Variants in SMAP1 observed in about 807,000 individuals in gnomAD.
SMAP1 encodes small ArfGAP 1.
A neutral mutation model predicts 58.5 loss-of-function variants in SMAP1; 24 were observed. The ratio of observed to expected loss-of-function variants is 0.41; its 90% CI spans 0.30 to 0.58. The LOEUF (loss-of-function observed/expected upper bound fraction) is 0.58. Ranked by LOEUF, SMAP1 falls within the 20% of genes least tolerant of loss-of-function variation. The probability of loss-of-function intolerance (pLI) is 0.29; values close to 1 mark genes in which losing one functional copy is unlikely to be tolerated. For synonymous variants in SMAP1, 216 were observed against 196.6 expected (o/e 1.10, Z -0.82); for missense variants, 563 against 566.3 (o/e 0.99, Z 0.06).
At chr6:70,732,925 C>T (rs1271196981) in intron 2 of SMAP1, among the ~76,000 whole-genome samples, 1 of 152,040 alleles carries the variant, frequency 6.6e-6, no homozygotes, top group African/African-American at 2.4e-5. Context: ...TCAGACAAGG[C>T]CCAGAAGTTG....
intron 8 of SMAP1, among the ~76,000 whole-genome samples, chr6:70,853,758 T>C (rs1415171218): frequency 6.6e-6 from 1 of 152,224 alleles, no homozygotes; most frequent in Non-Finnish European, 1.5e-5. Flanking sequence ...GTTACTGTTA[T>C]TTCAATTAAG....
rs1221975263 is a variant in SMAP1 at position 70,766,107 on chromosome 6, G to A, written c.339-7243G>A. The stretch of plus-strand genomic sequence containing the variant: ...TTTTTATGGCTGCATAGTATTCCAT[G>A]GTGTATATGCGCCACATTTTCTTAA... On this transcript the variant is annotated intron_variant, in intron 3 of 10. Transcript: ENST00000370455. Among the ~76,000 whole-genome samples, 10 of 152,210 alleles carry A rather than the reference G, an allele frequency of 6.6e-5. No homozygotes were observed. The South Asian group carries it at 2.1e-3, about 32-fold the overall frequency.
chr6:70,823,360 A>C (rs753288776), intron 6 of SMAP1, among the ~76,000 whole-genome samples: 9 of 152,104 alleles, frequency 5.9e-5, no homozygotes, highest in Non-Finnish European at 1.3e-4. Context: ...TCTATCCTGC[A>C]CCCCTTAGGT....
intron 6 of SMAP1, among the ~76,000 whole-genome samples, chr6:70,800,580 A>G (rs1768799311): frequency 6.6e-6 from 1 of 152,004 alleles, no homozygotes; most frequent in Admixed American, 6.6e-5. Context: ...GGTTTGTTAC[A>G]CAGGTATACA....
intron 1 of SMAP1, among the ~76,000 whole-genome samples, chr6:70,678,716 C>G (rs1766580926): frequency 6.6e-6 from 1 of 152,160 alleles, no homozygotes. Flanking sequence ...AATCTGTTTT[C>G]TTTTCCAGCT....
At chr6:70,790,383 C>T (rs983038243) in intron 4 of SMAP1, among the ~76,000 whole-genome samples, 2 of 152,118 alleles carry the variant, frequency 1.3e-5, no homozygotes, top group African/African-American at 4.8e-5. Context: ...AAGTGATCTG[C>T]GTGCCTTGGC....
At position 70,861,293 on chromosome 6, in the gene SMAP1, A is replaced by C. The variant is rs1771715096; in HGVS notation, c.*959A>C. The C allele has an allele frequency of 5.3e-6, 1 of 190,296 alleles. No individual in the cohort carries two copies. The highest frequency in any genetic ancestry group is 5.3e-5 in the Admixed American group (1 of 18,774). 11.8% of individuals were successfully genotyped at this position (190,296 alleles called of 1,614,324 possible). On this transcript the variant is annotated 3_prime_UTR_variant, in exon 11 of 11. Transcript: ENST00000370455. The stretch of plus-strand genomic sequence containing the variant: ...GCTGACAAAATACTTGTCTGTTTTA[A>C]AAACCTGTTCAAGTCTACCAACCTG...
intron 4 of SMAP1, among the ~76,000 whole-genome samples, chr6:70,784,824 A>G (rs1767932070): frequency 6.6e-6 from 1 of 152,202 alleles, no homozygotes; most frequent in South Asian, 2.1e-4. Flanking sequence ...TGACCTACAT[A>G]AAGACTTAGA....
chr6:70,711,780 G>A (rs1352491289), intron 1 of SMAP1, among the ~76,000 whole-genome samples: 1 of 151,938 alleles, frequency 6.6e-6, no homozygotes, highest in African/African-American at 2.4e-5. Flanking sequence ...CACCTGCCTC[G>A]TCCTCTCAAA....
intron 6 of SMAP1, among the ~76,000 whole-genome samples, chr6:70,801,526 C>A (rs2149956372): frequency 6.6e-6 from 1 of 152,206 alleles, no homozygotes; most frequent in East Asian, 1.9e-4. Context: ...TAATTAGATT[C>A]CGTTTGTCAT....
intron 1 of SMAP1, among the ~76,000 whole-genome samples, chr6:70,689,076 T>C (rs1767050526): frequency 6.6e-6 from 1 of 152,092 alleles, no homozygotes; most frequent in African/African-American, 2.4e-5. Flanking sequence ...CTGGGCTCAC[T>C]GCATACCCTA....
At chr6:70,757,706 G>A (rs1273747729) in intron 3 of SMAP1, among the ~76,000 whole-genome samples, 32 of 152,112 alleles carry the variant, frequency 2.1e-4, no homozygotes, top group African/African-American at 4.3e-4. Context: ...AAAAGTGGGC[G>A]AAGGACATGA....
intron 4 of SMAP1, among the ~76,000 whole-genome samples, chr6:70,786,691 A>G (rs1261626695): frequency 1.3e-5 from 2 of 152,086 alleles, no homozygotes; most frequent in African/African-American, 2.4e-5. Context: ...TCATGAGTGA[A>G]CTCCCCTTCA....
chr6:70,689,707 A>G (rs540453545), intron 1 of SMAP1, among the ~76,000 whole-genome samples: 1 of 152,292 alleles, frequency 6.6e-6, no homozygotes, highest in Non-Finnish European at 1.5e-5. Context: ...AACAAAATAT[A>G]TCTCTCCAAT....
chr6:70,851,885 T>C (rs1771199200), intron 7 of SMAP1, among the ~76,000 whole-genome samples: 1 of 152,180 alleles, frequency 6.6e-6, no homozygotes. Flanking sequence ...AAAGGACTTA[T>C]TTTGGAGTTT....
intron 6 of SMAP1, 127 bp downstream of exon 6, chr6:70,798,864 G>A (rs1055466924): frequency 5.3e-5 from 39 of 735,080 alleles, no homozygotes; most frequent in Non-Finnish European, 7.4e-5. Flanking sequence ...ATTGTTGAGT[G>A]AATGCTGTGT....
rs147250772 is a variant in SMAP1 at position 70,753,079 on chromosome 6, A to T, written c.253-1901A>T. Among the ~76,000 whole-genome samples, 1,504 of 151,992 alleles carry T rather than the reference A, an allele frequency of 9.9e-3. 29 individuals are homozygous for T. The highest frequency in any genetic ancestry group is 0.034 in the African/African-American group (1,400 of 41,448). On this transcript the variant is annotated intron_variant, in intron 2 of 10. Transcript: ENST00000370455. ...TTATTTCCCCCCCGAGATATTAATG[A>T]GCTACATTAAATAGATATGTACAGT... is the stretch of plus-strand genomic sequence containing the variant.
chr6:70,820,705 G>A (rs1483298287), intron 6 of SMAP1, among the ~76,000 whole-genome samples: 5 of 148,310 alleles, frequency 3.4e-5, no homozygotes, highest in African/African-American at 9.9e-5. Flanking sequence ...ACTCCATCTC[G>A]GAAAAAAAAA....
chr6:70,713,528 AT>A (rs1768145171), intron 1 of SMAP1, among the ~76,000 whole-genome samples: 1 of 152,106 alleles, frequency 6.6e-6, no homozygotes, highest in Non-Finnish European at 1.5e-5. Flanking sequence ...TGGTTGTTCA[AT>A]AGTGCGTTAT....
Sources: allele counts gnomAD v4.1 joint callset (sites outside exome capture counted in the v4.1 genomes callset), GRCh38; gene constraint gnomAD v4.1.1; transcripts MANE v1.5; gene names NCBI Gene and HGNC (gene_info 2026-07-23, HGNC 2026-07-21).